Variants in TEAD4 observed in about 807,000 individuals in gnomAD.
TEAD4 encodes transcriptional enhancer factor TEF-3.
In TEAD4, 36 loss-of-function variants were observed where a neutral mutation model predicts 52.4. The observed-to-expected ratio is 0.69, with a 90% CI of 0.53 to 0.91. TEAD4 has a LOEUF of 0.91. Among genes scored for constraint, TEAD4 ranks in the 40% least tolerant of loss-of-function variants. The pLI, the probability that TEAD4 is intolerant of heterozygous loss-of-function variation, is 0.00. For synonymous variants in TEAD4, 220 were observed against 231.0 expected (o/e 0.95, Z 0.43); for missense variants, 508 against 583.9 (o/e 0.87, Z 1.34).
chr12:2,985,780 TGTC>T (rs1442387819), intron 2 of TEAD4, among the ~76,000 whole-genome samples: 2 of 152,118 alleles, frequency 1.3e-5, no homozygotes, highest in African/African-American at 2.4e-5. Context: ...TTTTTAACTT[TGTC>T]GTTAAAAACA....
intron 5 of TEAD4, 82 bp from the exon 6 acceptor site, chr12:3,017,316 C>G: frequency 3.1e-6 from 5 of 1,590,704 alleles, no homozygotes; most frequent in Non-Finnish European, 3.4e-6. Flanking sequence ...GAGACAGCTT[C>G]CCTGACCCGA....
In TEAD4 at chr12:3,012,286, A is replaced by C. The variant is rs75596019; in HGVS notation, c.354+54A>C. On this transcript the variant is annotated intron_variant, in intron 5 of 12. Transcript: ENST00000359864. ...GTGGCCAGGAGTGGTGGCCAGCAGC[A>C]TATCTTCCCTTTGGGGTCAGGGCAT... 5,964 of 1,582,950 alleles carry C rather than the reference A, an allele frequency of 3.8e-3. 150 individuals are homozygous for C. The African/African-American group carries it at 0.06, about 16-fold the overall frequency.
Position 3,038,094 on chromosome 12 carries a change from G to T in TEAD4, c.1024G>T (p.Val342Leu), listed in dbSNP as rs1417731247. Residue 342 changes from valine to leucine, a missense_variant, in exon 11 of 13, where the codon GTG (valine) becomes TTG (leucine). Physicochemically the swap from Val to Leu is conservative, Grantham distance 32. Coordinates refer to ENST00000359864, the MANE Select transcript of TEAD4 (RefSeq NM_003213.4). ...GGTCTGCTCTTTCGGCAAGCAGGTG[G>T]TGGAGAAAGTTGAGGTAGGAGGCCA... 3 of 1,612,914 alleles carry T rather than the reference G, an allele frequency of 1.9e-6. No individual in the cohort carries two copies. Among genetic ancestry groups the T allele is most frequent in the Non-Finnish European group, 1.7e-6 (2 of 1,179,192 alleles).
intron 3 of TEAD4, among the ~76,000 whole-genome samples, chr12:3,005,182 A>G (rs2098254865): frequency 6.6e-6 from 1 of 152,260 alleles, no homozygotes; most frequent in South Asian, 2.1e-4. Flanking sequence ...TCACAGCAGC[A>G]GAGAGTAGAA....
chr12:2,967,132 T>C (rs896618641), intron 2 of TEAD4, among the ~76,000 whole-genome samples: 2 of 152,174 alleles, frequency 1.3e-5, no homozygotes, highest in Non-Finnish European at 2.9e-5. Context: ...AATATTTCTC[T>C]CTTAAAATTA....
intron 2 of TEAD4, among the ~76,000 whole-genome samples, chr12:2,989,307 A>T: frequency 6.6e-6 from 1 of 152,238 alleles, no homozygotes; most frequent in Middle Eastern, 3.4e-3. Context: ...AAATGCCTCT[A>T]TTTAATCTTC....
intron 3 of TEAD4, 52 bp from the exon 4 acceptor site, chr12:3,010,952 C>T: frequency 1.9e-6 from 3 of 1,608,786 alleles, no homozygotes; most frequent in Non-Finnish European, 2.6e-6. Flanking sequence ...CCCCTCACTG[C>T]TTCCAGCCTT....
At chr12:3,023,334 G>A (rs1212235479) in intron 10 of TEAD4, among the ~76,000 whole-genome samples, 1 of 152,214 alleles carries the variant, frequency 6.6e-6, no homozygotes, top group African/African-American at 2.4e-5. Flanking sequence ...AACTGGGAGA[G>A]TGAGTTAGGT....
intron 5 of TEAD4, chr12:3,017,180 G>C: frequency 1.5e-6 from 1 of 683,650 alleles, no homozygotes; most frequent in South Asian, 1.6e-5. Context: ...AGCAGGGCAA[G>C]TATCATGCCC....
At chr12:2,997,701 G>A (rs2098248312) in intron 3 of TEAD4, among the ~76,000 whole-genome samples, 1 of 151,652 alleles carries the variant, frequency 6.6e-6, no homozygotes, top group Non-Finnish European at 1.5e-5. Context: ...GGGCGCTGTG[G>A]GTGTCTGGGA....
intron 3 of TEAD4, among the ~76,000 whole-genome samples, chr12:3,005,531 C>G (rs538382389): frequency 6.6e-6 from 1 of 152,094 alleles, no homozygotes; most frequent in Non-Finnish European, 1.5e-5. Flanking sequence ...GAGTCTCGCT[C>G]TATCGCCCAG....
intron 2 of TEAD4, among the ~76,000 whole-genome samples, chr12:2,979,657 T>C (rs2098232617): frequency 1.3e-5 from 2 of 152,158 alleles, no homozygotes; most frequent in Admixed American, 6.5e-5. Flanking sequence ...CTGTGACTAT[T>C]CTGTGATTAA....
intron 3 of TEAD4, among the ~76,000 whole-genome samples, chr12:3,009,333 G>A (rs2098258377): frequency 6.6e-6 from 1 of 152,248 alleles, no homozygotes; most frequent in Non-Finnish European, 1.5e-5. Flanking sequence ...GGGAGGCTGA[G>A]GCAGGAGAAT....
At chr12:3,019,622 GAGCCCC>G (rs2098267235) in intron 8 of TEAD4, among the ~76,000 whole-genome samples, 1 of 152,160 alleles carries the variant, frequency 6.6e-6, no homozygotes, top group South Asian at 2.1e-4. Flanking sequence ...GTGCTGACAG[GAGCCCC>G]CACCCCGCCC....
At chr12:3,001,935 C>T (rs2098252043) in intron 3 of TEAD4, among the ~76,000 whole-genome samples, 1 of 152,042 alleles carries the variant, frequency 6.6e-6, no homozygotes, top group Non-Finnish European at 1.5e-5. Context: ...ACTAAAAATA[C>T]AAAATTACAA....
At chr12:2,971,118 G>A (rs2098224631) in intron 2 of TEAD4, among the ~76,000 whole-genome samples, 1 of 152,236 alleles carries the variant, frequency 6.6e-6, no homozygotes, top group South Asian at 2.1e-4. Context: ...TGGAACGGAA[G>A]CCCTGGTTCC....
At chr12:2,963,117 G>A (rs895964822) in intron 2 of TEAD4, among the ~76,000 whole-genome samples, 12 of 152,044 alleles carry the variant, frequency 7.9e-5, no homozygotes, top group African/African-American at 2.9e-4. Context: ...GGGGCCCTCG[G>A]GTCTTTAAAA....
intron 2 of TEAD4, among the ~76,000 whole-genome samples, chr12:2,984,373 C>T (rs1272206189): frequency 6.6e-6 from 1 of 152,124 alleles, no homozygotes; most frequent in African/African-American, 2.4e-5. Context: ...TGGGGTTGCA[C>T]CAGGTCATCC....
intron 10 of TEAD4, among the ~76,000 whole-genome samples, chr12:3,036,151 C>A (rs2098279323): frequency 6.6e-6 from 1 of 152,158 alleles, no homozygotes; most frequent in Admixed American, 6.5e-5. Flanking sequence ...CCCTAAAGGC[C>A]TCATCAAAGC....
Sources: gnomAD v4.1 joint callset for allele counts (sites outside exome capture counted in the v4.1 genomes callset) on GRCh38, gnomAD v4.1.1 for gene constraint, MANE v1.5 for transcripts, NCBI Gene and HGNC (gene_info 2026-07-23, HGNC 2026-07-21) for gene names.